The following STXBP5 variants were observed in gnomAD, a reference collection of about 807,000 sequenced individuals.
STXBP5 encodes syntaxin-binding protein 5.
A neutral mutation model predicts 152.4 loss-of-function variants in STXBP5; 50 were observed. The ratio of observed to expected loss-of-function variants is 0.33; its 90% CI spans 0.26 to 0.42. The LOEUF (loss-of-function observed/expected upper bound fraction) is 0.42, where lower values mean the gene tolerates loss of function less well. STXBP5 is among the 10% of genes least tolerant of loss of function. STXBP5 has a pLI of 1.00. For missense variants in STXBP5, 1,167 were observed against 1,388.6 expected (o/e 0.84, Z 2.54); for synonymous variants, 492 against 494.7 (o/e 0.99, Z 0.07).
chr6:147,301,906 A>G (rs1403623056), intron 9 of STXBP5, among the ~76,000 whole-genome samples: 2 of 152,114 alleles, frequency 1.3e-5, no homozygotes, highest in Non-Finnish European at 2.9e-5. Context: ...TGTATTTTTA[A>G]TCACTTGTCT....
chr6:147,316,540 G>A, intron 16 of STXBP5, 133 bp downstream of exon 16: 1 of 791,512 alleles, frequency 1.3e-6, no homozygotes, highest in East Asian at 3.1e-5. Flanking sequence ...CCTGTGTTTT[G>A]CTATGGTTAG....
At chr6:147,307,631 C>T (rs1782160651) in intron 9 of STXBP5, among the ~76,000 whole-genome samples, 1 of 152,014 alleles carries the variant, frequency 6.6e-6, no homozygotes, top group Admixed American at 6.6e-5. Context: ...TGTGAAGGCT[C>T]ACGGGTTGGA....
intron 21 of STXBP5, among the ~76,000 whole-genome samples, chr6:147,347,889 A>T (rs1030462406): frequency 3.3e-5 from 5 of 152,236 alleles, no homozygotes; most frequent in African/African-American, 1.2e-4. Flanking sequence ...GGCTATCTCT[A>T]TACAAAGGAT....
At chr6:147,305,160 G>A (rs371488826) in intron 9 of STXBP5, among the ~76,000 whole-genome samples, 1 of 152,214 alleles carries the variant, frequency 6.6e-6, no homozygotes, top group Non-Finnish European at 1.5e-5. Flanking sequence ...TCAAGACTGA[G>A]TGTAGACACT....
chr6:147,369,013 C>T (rs143777451), intron 25 of STXBP5, among the ~76,000 whole-genome samples: 1,749 of 151,602 alleles, frequency 0.012, 15 homozygotes, highest in Non-Finnish European at 0.019. Context: ...TACGTAAATA[C>T]AAGAGAACTA....
intron 18 of STXBP5, among the ~76,000 whole-genome samples, chr6:147,333,450 G>A (rs1209200589): frequency 2.0e-5 from 3 of 152,192 alleles, no homozygotes; most frequent in Admixed American, 1.3e-4. Context: ...CTTGAACCCA[G>A]GATGCGCAGG....
intron 2 of STXBP5, among the ~76,000 whole-genome samples, chr6:147,224,335 G>A (rs1166463617): frequency 6.6e-6 from 1 of 152,196 alleles, no homozygotes; most frequent in Non-Finnish European, 1.5e-5. Context: ...TGAGGCACTA[G>A]AATCACTTTC....
At chr6:147,356,092 T>G (rs1207565985) in intron 22 of STXBP5, among the ~76,000 whole-genome samples, 1 of 152,144 alleles carries the variant, frequency 6.6e-6, no homozygotes, top group Non-Finnish European at 1.5e-5. Flanking sequence ...TAATCTAATT[T>G]TTATAGATAA....
At chr6:147,325,864 G>GA (rs1286114772) in intron 17 of STXBP5, among the ~76,000 whole-genome samples, 44 of 151,826 alleles carry the variant, frequency 2.9e-4, no homozygotes, top group African/African-American at 7.3e-4. Flanking sequence ...AACTGTAGAT[G>GA]AAAAATATTC....
chr6:147,278,251 A>G, intron 8 of STXBP5, 47 bp downstream of exon 8: 1 of 1,480,244 alleles, frequency 6.8e-7, no homozygotes, highest in African/African-American at 1.4e-5. Context: ...AACGTACAGT[A>G]AACTGTTTTG....
chr6:147,213,366 G>A (rs1383523719), intron 2 of STXBP5, among the ~76,000 whole-genome samples: 1 of 149,632 alleles, frequency 6.7e-6, no homozygotes, highest in African/African-American at 2.5e-5. Context: ...CGATCTTCCT[G>A]CCTCAGCTTG....
intron 11 of STXBP5, 111 bp from the exon 12 acceptor site, chr6:147,313,773 C>A: frequency 1.5e-6 from 1 of 679,556 alleles, no homozygotes; most frequent in South Asian, 5.0e-5. Flanking sequence ...AAAATTAAAT[C>A]AATTTAATCT....
intron 7 of STXBP5, among the ~76,000 whole-genome samples, chr6:147,272,561 T>C (rs185174978): frequency 5.3e-5 from 8 of 152,320 alleles, no homozygotes; most frequent in Admixed American, 5.2e-4. Flanking sequence ...TTCAAGAAAT[T>C]ATTATAGGCA....
intron 19 of STXBP5, among the ~76,000 whole-genome samples, chr6:147,337,946 T>C (rs1408556678): frequency 1.4e-4 from 22 of 152,106 alleles, no homozygotes; most frequent in Admixed American, 1.4e-3. Flanking sequence ...AGAGAAAAGC[T>C]GTCAAGGACA....
At position 147,314,316 on chromosome 6, in the gene STXBP5, A is replaced by T; in HGVS notation, c.1346A>T (p.Glu449Val). 1 of 1,611,978 alleles carries T rather than the reference A, an allele frequency of 6.2e-7. No individual in the cohort carries two copies. The highest frequency in any genetic ancestry group is 8.5e-7 in the Non-Finnish European group (1 of 1,178,146). ...NWGLGAQSYP[E>V]IIITGHADGS... Reference sequence around the variant, plus strand: ...GGCTTGGGTGCTCAAAGTTACCCAGAAATAATTATTACAGGGTAAGTAAAA... The same window carrying T: ...GGCTTGGGTGCTCAAAGTTACCCAGTAATAATTATTACAGGGTAAGTAAAA... The change falls in exon 13 of 28, where the codon GAA becomes GTA. Residue 449 changes from glutamate (E) to valine (V), a missense_variant. By Grantham distance (121) the Glu-to-Val change is moderately radical. Around this residue, in one of 3 missense-constraint regions of STXBP5, gnomAD observed 833 missense variants for 986.3 expected, o/e 0.84. Transcript: ENST00000321680.
intron 26 of STXBP5, among the ~76,000 whole-genome samples, chr6:147,380,084 C>T (rs759954201): frequency 2.8e-4 from 42 of 151,316 alleles, no homozygotes; most frequent in African/African-American, 4.9e-4. Flanking sequence ...TAACACAATT[C>T]ATATCAAAAT....
chr6:147,364,444 ACT>A (rs1339928275), intron 25 of STXBP5, among the ~76,000 whole-genome samples: 1 of 152,068 alleles, frequency 6.6e-6, no homozygotes, highest in African/African-American at 2.4e-5. Flanking sequence ...TTTTATAACT[ACT>A]CTCTACATAG....
At chr6:147,250,570 G>T (rs1276758769) in intron 4 of STXBP5, among the ~76,000 whole-genome samples, 1 of 152,060 alleles carries the variant, frequency 6.6e-6, no homozygotes, top group Non-Finnish European at 1.5e-5. Context: ...TGGTATTCAT[G>T]GGGCTCCTGG....
intron 23 of STXBP5, among the ~76,000 whole-genome samples, chr6:147,362,013 T>C (rs977797801): frequency 3.9e-5 from 6 of 152,184 alleles, no homozygotes; most frequent in African/African-American, 7.2e-5. Context: ...AATAAAAATA[T>C]AGGATGCCCA....
Sources: allele counts gnomAD v4.1 joint callset (sites outside exome capture counted in the v4.1 genomes callset), GRCh38; gene constraint gnomAD v4.1.1; regional missense constraint gnomAD v4.1.1; transcripts MANE v1.5; gene names NCBI Gene and HGNC (gene_info 2026-07-23, HGNC 2026-07-21).